The following HCN1 variants were observed in gnomAD, a reference collection of about 807,000 sequenced individuals.
The protein encoded by HCN1 is potassium/sodium hyperpolarization-activated cyclic nucleotide-gated channel 1.
Under a neutral mutation model 78.9 loss-of-function variants are expected in HCN1, and 13 were observed. That is an observed-to-expected ratio of 0.16 (90% confidence interval 0.11 to 0.26). The LOEUF (loss-of-function observed/expected upper bound fraction) is 0.26. Among genes scored for constraint, HCN1 ranks in the 10% least tolerant of loss-of-function variants. The pLI, the probability that HCN1 is intolerant of heterozygous loss-of-function variation, is 1.00. For synonymous variants in HCN1, 552 were observed against 455.5 expected (o/e 1.21, Z -2.70); for missense variants, 810 against 1,154.3 (o/e 0.70, Z 4.32).
In HCN1 at chr5:45,636,482, G is replaced by T. The variant is rs560973284; in HGVS notation, c.849+8703C>A. Among the ~76,000 whole-genome samples, 6 of 152,264 alleles carry T rather than the reference G, an allele frequency of 3.9e-5. No homozygotes were observed. In the South Asian group the frequency reaches 1.2e-3, roughly 32 times the overall value. ...AAACTGGACAAATGTAAGGCTAAAT[G>T]TGCTTTGTCCTAAATTAGCCTGATT... On this transcript the variant is annotated intron_variant, in intron 2 of 7. Coordinates refer to ENST00000303230, the MANE Select transcript of HCN1 (RefSeq NM_021072.4).
At chr5:45,613,569 A>G (rs560990633) in intron 2 of HCN1, among the ~76,000 whole-genome samples, 14 of 151,936 alleles carry the variant, frequency 9.2e-5, no homozygotes, top group African/African-American at 3.1e-4. Context: ...TTCCTCAGGG[A>G]TCTAGAACTG....
In HCN1 at chr5:45,511,839, G is replaced by A. The variant is rs545395213; in HGVS notation, c.850-49832C>T. Among the ~76,000 whole-genome samples the A allele has an allele frequency of 4.6e-5, 7 of 152,008 alleles. No individual in the cohort carries two copies. In the South Asian group the frequency reaches 6.2e-4, roughly 13 times the overall value. On this transcript the variant is annotated intron_variant, in intron 2 of 7. Coordinates refer to ENST00000303230, the MANE Select transcript of HCN1 (RefSeq NM_021072.4). ...AAAAATAATCTATCAGTATTGGTTCGTTAGTTCGTCAGATGTATCAGAGTA... is the reference window on the plus strand; with the variant it reads ...AAAAATAATCTATCAGTATTGGTTCATTAGTTCGTCAGATGTATCAGAGTA...
chr5:45,391,762 G>T (rs1367186697), intron 4 of HCN1, among the ~76,000 whole-genome samples: 1 of 152,032 alleles, frequency 6.6e-6, no homozygotes, highest in Admixed American at 6.6e-5. Flanking sequence ...AAAGCAGATT[G>T]AATATTTCAT....
chr5:45,543,883 ATAT>A, intron 2 of HCN1, among the ~76,000 whole-genome samples: 1 of 152,108 alleles, frequency 6.6e-6, no homozygotes, highest in Admixed American at 6.6e-5. Context: ...TAATTCTTAG[ATAT>A]TATTTTTATT....
At chr5:45,648,534 T>A (rs1187887370) in intron 1 of HCN1, among the ~76,000 whole-genome samples, 2 of 152,092 alleles carry the variant, frequency 1.3e-5, no homozygotes, top group Non-Finnish European at 2.9e-5. Flanking sequence ...CATGGATTCA[T>A]TCCTTAGGTA....
chr5:45,313,409 G>A (rs1041694145), intron 5 of HCN1, among the ~76,000 whole-genome samples: 3 of 152,044 alleles, frequency 2.0e-5, no homozygotes, highest in African/African-American at 7.2e-5. Flanking sequence ...AACCACAAAG[G>A]TGGGGAAAAA....
chr5:45,647,926 C>T lies in HCN1; in HGVS notation c.426-2318G>A, dbSNP rs149795239. ...TCATCCATTTGCACTTTACTATTCC[C>T]ACTGCAGCTGTCCTCATTCAGAAAG... On this transcript the variant is annotated intron_variant, in intron 1 of 7. Coordinates refer to ENST00000303230, the MANE Select transcript of HCN1 (RefSeq NM_021072.4). 2.7e-3 allele frequency among the ~76,000 whole-genome samples: 404 copies of T among 152,330 alleles called. 1 individual carries two copies. The highest frequency in any genetic ancestry group is 9.2e-3 in the African/African-American group (383 of 41,584).
At chr5:45,356,721 T>C (rs899432268) in intron 4 of HCN1, among the ~76,000 whole-genome samples, 2 of 152,052 alleles carry the variant, frequency 1.3e-5, no homozygotes, top group African/African-American at 2.4e-5. Context: ...CAGATAACTC[T>C]AAGATACTTT....
At chr5:45,482,839 G>A (rs2111678865) in intron 2 of HCN1, among the ~76,000 whole-genome samples, 1 of 152,184 alleles carries the variant, frequency 6.6e-6, no homozygotes, top group Non-Finnish European at 1.5e-5. Context: ...GCTCCCACTT[G>A]TAAGTGAGAA....
rs188266609 is a variant in HCN1, at chr5:45,520,031, A to C, written c.850-58024T>G. ...CTGATCAAAATCTTAGTGGATAAAA[A>C]TAATATTTATGTATAACATTTATGA... On this transcript the variant is annotated intron_variant, in intron 2 of 7. Transcript: ENST00000303230. Among the ~76,000 whole-genome samples the C allele has an allele frequency of 1.7e-3, 263 of 152,146 alleles. 1 individual carries two copies. Among genetic ancestry groups the C allele is most frequent in the African/African-American group, 6.1e-3 (254 of 41,554 alleles).
At chr5:45,312,642 C>T (rs1377474855) in intron 5 of HCN1, among the ~76,000 whole-genome samples, 2 of 152,160 alleles carry the variant, frequency 1.3e-5, no homozygotes, top group South Asian at 2.1e-4. Context: ...ACAGACAGCA[C>T]CTGGAAAATC....
chr5:45,501,069 C>G (rs1001178376), intron 2 of HCN1, among the ~76,000 whole-genome samples: 1 of 152,070 alleles, frequency 6.6e-6, no homozygotes, highest in Admixed American at 6.6e-5. Flanking sequence ...TAACATTATA[C>G]AAGGTTTGAT....
chr5:45,449,934 G>C (rs1230293908), intron 3 of HCN1, among the ~76,000 whole-genome samples: 2 of 152,060 alleles, frequency 1.3e-5, no homozygotes, highest in Admixed American at 1.3e-4. Context: ...CAGGGTTCAC[G>C]CCATTCTCCC....
At chr5:45,291,985 G>C (rs1019057522) in intron 6 of HCN1, among the ~76,000 whole-genome samples, 1 of 151,634 alleles carries the variant, frequency 6.6e-6, no homozygotes, top group Non-Finnish European at 1.5e-5. Context: ...ATCCATGAAT[G>C]CTAGAATTTT....
chr5:45,623,810 A>C (rs1745113923), intron 2 of HCN1, among the ~76,000 whole-genome samples: 1 of 152,224 alleles, frequency 6.6e-6, no homozygotes, highest in Admixed American at 6.5e-5. Context: ...GATAAATGCT[A>C]TGAACAAAAA....
At chr5:45,488,175 A>G (rs1002556090) in intron 2 of HCN1, among the ~76,000 whole-genome samples, 1 of 151,168 alleles carries the variant, frequency 6.6e-6, no homozygotes, top group Non-Finnish European at 1.5e-5. Context: ...TTCTCCCAAC[A>G]CTACCCCAAC....
At chr5:45,472,604 AAAGAAAAG>A (rs1490857792) in intron 2 of HCN1, among the ~76,000 whole-genome samples, 1 of 122,876 alleles carries the variant, frequency 8.1e-6, no homozygotes, top group African/African-American at 3.1e-5. Context: ...AGGAGGAAAG[AAAGAAAAG>A]AAGGAAAGAA....
intron 4 of HCN1, among the ~76,000 whole-genome samples, chr5:45,385,708 G>A (rs559928261): frequency 3.9e-5 from 6 of 152,230 alleles, no homozygotes; most frequent in East Asian, 1.9e-4. Flanking sequence ...GTGAAAAATC[G>A]GAGGAATTAA....
intron 2 of HCN1, among the ~76,000 whole-genome samples, chr5:45,540,911 A>T (rs1440413131): frequency 6.6e-6 from 1 of 152,196 alleles, no homozygotes; most frequent in Admixed American, 6.5e-5. Flanking sequence ...AAAGAAAAAA[A>T]GTATGTCTAT....
Sources: allele counts gnomAD v4.1 joint callset (sites outside exome capture counted in the v4.1 genomes callset), GRCh38; gene constraint gnomAD v4.1.1; transcripts MANE v1.5; gene names NCBI Gene and HGNC (gene_info 2026-07-23, HGNC 2026-07-21).